The following KAT6B variants were observed in gnomAD, a reference collection of about 807,000 sequenced individuals.
KAT6B encodes the protein lysine acetyltransferase 6B, also known as histone acetyltransferase KAT6B.
In KAT6B, 10 loss-of-function variants were observed where a neutral mutation model predicts 187.5. The ratio of observed to expected loss-of-function variants is 0.05; its 90% CI spans 0.03 to 0.09. The LOEUF is 0.09. Ranked by LOEUF, KAT6B falls within the 10% of genes least tolerant of loss-of-function variation. The pLI is 1.00. For missense variants in KAT6B, 1,952 were observed against 2,558.9 expected, an observed-to-expected ratio of 0.76 and a Z score of 5.12; for synonymous variants, 861 against 926.8, an observed-to-expected ratio of 0.93 and a Z score of 1.29.
At chr10:74,854,065 A>G (rs150510932) in intron 3 of KAT6B, among the ~76,000 whole-genome samples, 1 of 152,350 alleles carries the variant, frequency 6.6e-6, no homozygotes, top group East Asian at 1.9e-4. Context: ...TGATCACACT[A>G]GCATTTAAAA....
chr10:74,881,768 G>A (rs1844866478), intron 3 of KAT6B, among the ~76,000 whole-genome samples: 2 of 152,102 alleles, frequency 1.3e-5, no homozygotes, highest in Admixed American at 6.5e-5. Flanking sequence ...ATCCTCCTGT[G>A]TCAGTTTTCC....
intron 3 of KAT6B, among the ~76,000 whole-genome samples, chr10:74,932,663 C>T (rs1848969499): frequency 6.6e-6 from 1 of 152,216 alleles, no homozygotes; most frequent in Non-Finnish European, 1.5e-5. Context: ...AGCATGGTAT[C>T]ATCTGCTACC....
chr10:74,894,175 G>A (rs961467807), intron 3 of KAT6B, among the ~76,000 whole-genome samples: 5 of 151,926 alleles, frequency 3.3e-5, no homozygotes, highest in Non-Finnish European at 5.9e-5. Context: ...TTCGCTTGCC[G>A]GGTTCAAGCC....
At chr10:74,935,352 C>CT (rs1469112972) in intron 3 of KAT6B, among the ~76,000 whole-genome samples, 6 of 151,722 alleles carry the variant, frequency 4.0e-5, no homozygotes, top group South Asian at 2.1e-4. Context: ...AGAATTATAT[C>CT]TTTTTTAGAA....
chr10:74,900,180 C>T (rs146779089), intron 3 of KAT6B, among the ~76,000 whole-genome samples: 4 of 152,248 alleles, frequency 2.6e-5, no homozygotes, highest in Non-Finnish European at 4.4e-5. Flanking sequence ...TCACAAGTAA[C>T]ATTGATACTA....
At chr10:74,894,336 C>T (rs1179852657) in intron 3 of KAT6B, among the ~76,000 whole-genome samples, 6 of 152,218 alleles carry the variant, frequency 3.9e-5, no homozygotes, top group Non-Finnish European at 8.8e-5. Flanking sequence ...CCCACCTCGG[C>T]CTCCCCAAGT....
chr10:75,014,904 T>G (rs1049228430), intron 13 of KAT6B, among the ~76,000 whole-genome samples: 1 of 152,172 alleles, frequency 6.6e-6, no homozygotes, highest in African/African-American at 2.4e-5. Flanking sequence ...CTTACCTATT[T>G]GAGATTCTTC....
chr10:74,845,539 C>CAA (rs1201779378), intron 3 of KAT6B, among the ~76,000 whole-genome samples: 1 of 119,288 alleles, frequency 8.4e-6, no homozygotes, highest in African/African-American at 3.2e-5. Context: ...AAAAAAAAAA[C>CAA]AAAAAAAAAA....
intron 12 of KAT6B, among the ~76,000 whole-genome samples, chr10:74,987,056 T>A (rs1842851946): frequency 6.6e-6 from 1 of 152,242 alleles, no homozygotes; most frequent in Non-Finnish European, 1.5e-5. Flanking sequence ...TGGCAGCAGC[T>A]GCTGTTATTT....
chr10:74,859,222 A>AG (rs1450910768), intron 3 of KAT6B, among the ~76,000 whole-genome samples: 1 of 152,032 alleles, frequency 6.6e-6, no homozygotes, highest in African/African-American at 2.4e-5. Flanking sequence ...CTGGAATTAC[A>AG]GGTGCCTGCT....
chr10:74,849,231 C>T (rs1051392288), intron 3 of KAT6B, among the ~76,000 whole-genome samples: 1 of 151,998 alleles, frequency 6.6e-6, no homozygotes, highest in African/African-American at 2.4e-5. Context: ...ATCCGCCTGC[C>T]TTGGCCTCCC....
In KAT6B at chr10:75,031,989, A is replaced by AT. The variant is rs1403465112; in HGVS notation, c.*949dup. ...TCTATCTTTATAAAATATTGGAGTTATTTTTTAAGGAAAAATAGAAAAGTA... is the reference window on the plus strand; with the variant it reads ...TCTATCTTTATAAAATATTGGAGTTATTTTTTTAAGGAAAAATAGAAAAGTA... On this transcript the variant is annotated 3_prime_UTR_variant, in exon 18 of 18. Coordinates refer to ENST00000287239, the MANE Select transcript of KAT6B (RefSeq NM_012330.4). The AT allele has an allele frequency of 5.2e-6, 1 of 192,924 alleles. No homozygotes were observed. Among genetic ancestry groups the AT allele is most frequent in the African/African-American group, 2.3e-5 (1 of 43,062 alleles). The allele number at this position is 192,924 out of a possible 1,614,324, so 12.0% of individuals were successfully genotyped here. A position where few individuals can be genotyped will look rare whatever the true frequency, so the allele number is the denominator to read the frequency against.
rs1019166368 is a variant in KAT6B, at chr10:74,967,692, T to C, written c.731-1968T>C. Reference sequence around the variant, plus strand: ...GTAGCTTAAATAGTAGTAGTTGAGATACAGTATTGCTTAAAGTGAGAGAAA... The same window carrying C: ...GTAGCTTAAATAGTAGTAGTTGAGACACAGTATTGCTTAAAGTGAGAGAAA... On this transcript the variant is annotated intron_variant, in intron 4 of 17. Transcript: ENST00000287239. Among the ~76,000 whole-genome samples the C allele has an allele frequency of 5.3e-5, 8 of 152,294 alleles. No individual in the cohort carries two copies. In the South Asian group the frequency reaches 1.2e-3, roughly 24 times the overall value.
chr10:74,981,306 TCTTCCTTCCTTC>T (rs558339853), intron 10 of KAT6B, among the ~76,000 whole-genome samples: 29 of 140,022 alleles, frequency 2.1e-4, no homozygotes, highest in East Asian at 8.1e-4. Context: ...TTTCTTTCTT[TCTTCCTTCCTTC>T]CTTCCTTCCT....
chr10:74,999,118 GA>G (rs1235233370), intron 13 of KAT6B, among the ~76,000 whole-genome samples: 1 of 152,148 alleles, frequency 6.6e-6, no homozygotes, highest in African/African-American at 2.4e-5. Flanking sequence ...TAACTAAAAA[GA>G]AAAGAGGCCA....
At chr10:74,835,805 T>C (rs1207387811) in intron 1 of KAT6B, among the ~76,000 whole-genome samples, 1 of 152,234 alleles carries the variant, frequency 6.6e-6, no homozygotes, top group African/African-American at 2.4e-5. Flanking sequence ...GTTATTTCTT[T>C]TTTTTTAAAC....
At chr10:74,958,473 C>T (rs1564588338) in intron 3 of KAT6B, among the ~76,000 whole-genome samples, 1 of 152,114 alleles carries the variant, frequency 6.6e-6, no homozygotes, top group African/African-American at 2.4e-5. Flanking sequence ...ATCATAGTAA[C>T]ATTCAGATGG....
chr10:74,858,621 T>G (rs934895218), intron 3 of KAT6B, among the ~76,000 whole-genome samples: 4 of 151,982 alleles, frequency 2.6e-5, no homozygotes, highest in African/African-American at 7.3e-5. Flanking sequence ...TAGAGAAGGG[T>G]CTTTCATTTA....
intron 3 of KAT6B, among the ~76,000 whole-genome samples, chr10:74,914,602 C>A (rs184602228): frequency 6.6e-6 from 1 of 152,146 alleles, no homozygotes; most frequent in Non-Finnish European, 1.5e-5. Flanking sequence ...GCAACTGGCT[C>A]AAGAAATTAG....
Sources: gnomAD v4.1 joint callset for allele counts (sites outside exome capture counted in the v4.1 genomes callset) on GRCh38, gnomAD v4.1.1 for gene constraint, MANE v1.5 for transcripts, NCBI Gene and HGNC (gene_info 2026-07-23, HGNC 2026-07-21) for gene names.